The following FRMD5 variants were observed in gnomAD, a reference collection of about 807,000 sequenced individuals.
FRMD5 encodes the protein FERM domain containing 5.
A neutral mutation model predicts 69.0 loss-of-function variants in FRMD5; 20 were observed. The observed-to-expected ratio is 0.29, with a 90% confidence interval of 0.20 to 0.42. The LOEUF is 0.42. FRMD5 is among the 10% of genes least tolerant of loss of function. The pLI is 1.00. For missense variants in FRMD5, 595 were observed against 708.6 expected, an observed-to-expected ratio of 0.84 and a Z score of 1.82; for synonymous variants, 271 against 260.1, an observed-to-expected ratio of 1.04 and a Z score of -0.40.
In FRMD5 at chr15:43,999,953, C is replaced by CATAT. The variant is rs34872140; in HGVS notation, c.103-75648_103-75645dup. 7.5e-3 allele frequency among the ~76,000 whole-genome samples: 625 copies of CATAT among 82,816 alleles called. 5 individuals are homozygous for CATAT. Among genetic ancestry groups the CATAT allele is most frequent in the Middle Eastern group, 0.018 (2 of 110 alleles). The allele number at this position is 82,816 out of a possible 152,430, so 54.3% of individuals were successfully genotyped here. A position where few individuals can be genotyped will look rare whatever the true frequency, so the allele number is the denominator to read the frequency against. On this transcript the variant is annotated intron_variant, in intron 1 of 13. Coordinates refer to ENST00000417257, the MANE Select transcript of FRMD5 (RefSeq NM_032892.5). ...TATATATATATATATATATGCCATG[C>CATAT]ATATATATATATATATATATATATA...
At chr15:43,876,283 GT>G in intron 13 of FRMD5, 2 of 1,300,692 alleles carry the variant, frequency 1.5e-6, no homozygotes, top group Non-Finnish European at 1.1e-6. Flanking sequence ...TCTGGGCCTG[GT>G]TTTTACCCCA....
Position 43,929,882 on chromosome 15 carries a change from G to A in FRMD5, c.103-5573C>T, listed in dbSNP as rs866283343. 5.3e-5 allele frequency among the ~76,000 whole-genome samples: 8 copies of A among 152,188 alleles called. No individual in the cohort carries two copies. In the South Asian group the frequency reaches 1.7e-3, roughly 31 times the overall value. ...GGTGTGAGGGCATGAGTGGCATGCC[G>A]ATGTCTGCCAGGTTCCAGAGCAGAT... On this transcript the variant is annotated intron_variant, in intron 1 of 13. Coordinates refer to ENST00000417257, the MANE Select transcript of FRMD5 (RefSeq NM_032892.5).
chr15:43,899,993 G>A (rs942242111), intron 7 of FRMD5, among the ~76,000 whole-genome samples: 26 of 152,176 alleles, frequency 1.7e-4, no homozygotes, highest in Non-Finnish European at 2.5e-4. Context: ...TCAGGGACCC[G>A]TCTCTGAAGA....
chr15:44,014,058 G>A (rs559796596), intron 1 of FRMD5, among the ~76,000 whole-genome samples: 11 of 151,990 alleles, frequency 7.2e-5, no homozygotes, highest in African/African-American at 1.7e-4. Flanking sequence ...GGGTTTCACC[G>A]TGTGTTAGCC....
At chr15:44,188,679 T>C (rs2078142894) in intron 1 of FRMD5, among the ~76,000 whole-genome samples, 1 of 152,180 alleles carries the variant, frequency 6.6e-6, no homozygotes, top group South Asian at 2.1e-4. Context: ...TTTTCCATGC[T>C]TTGAGAGGCC....
chr15:43,903,603 T>A lies in FRMD5; in HGVS notation c.552-1341A>T, dbSNP rs115976658. ...ATTGCTGTGAATAAAGACTTCTGCA[T>A]CCACTAGTGTACCTGAGGCACAGGG... is the stretch of plus-strand genomic sequence containing the variant. On this transcript the variant is annotated intron_variant, in intron 6 of 13. Coordinates refer to ENST00000417257, the MANE Select transcript of FRMD5 (RefSeq NM_032892.5). 2.1e-3 allele frequency among the ~76,000 whole-genome samples: 319 copies of A among 152,316 alleles called. 2 individuals carry two copies. Among genetic ancestry groups the A allele is most frequent in the African/African-American group, 7.2e-3 (300 of 41,552 alleles).
intron 6 of FRMD5, 49 bp from the exon 7 acceptor site, chr15:43,902,311 T>C (rs2089066041): frequency 6.9e-7 from 1 of 1,449,048 alleles, no homozygotes; most frequent in African/African-American, 1.4e-5. Flanking sequence ...TTCCCACAGG[T>C]TCCCCTGAGG....
intron 1 of FRMD5, among the ~76,000 whole-genome samples, chr15:44,071,600 G>T (rs956222398): frequency 1.3e-5 from 2 of 152,074 alleles, no homozygotes; most frequent in Non-Finnish European, 2.9e-5. Flanking sequence ...TAAACTTGGG[G>T]TCTCTTCCCA....
intron 1 of FRMD5, among the ~76,000 whole-genome samples, chr15:43,976,421 A>C (rs1206491469): frequency 6.6e-6 from 1 of 152,220 alleles, no homozygotes; most frequent in Non-Finnish European, 1.5e-5. Flanking sequence ...GAATAAAAAG[A>C]ACCCTCAACA....
rs557600446 is a variant in FRMD5 at position 44,003,019 on chromosome 15, T to C, written c.103-78710A>G. On this transcript the variant is annotated intron_variant, in intron 1 of 13. Coordinates refer to ENST00000417257, the MANE Select transcript of FRMD5 (RefSeq NM_032892.5). ...GTCATACCACAGCAGAAGACTGAAC[T>C]CTTGATCTTTTGTTCCAAATGGGGT... 3.2e-3 allele frequency among the ~76,000 whole-genome samples: 481 copies of C among 152,250 alleles called. 3 individuals are homozygous for C. The highest frequency in any genetic ancestry group is 0.011 in the African/African-American group (457 of 41,548).
intron 1 of FRMD5, among the ~76,000 whole-genome samples, chr15:44,001,611 GTTT>G (rs35453119): frequency 2.9e-5 from 4 of 138,096 alleles, no homozygotes; most frequent in Non-Finnish European, 3.2e-5. Flanking sequence ...CAATTTTATT[GTTT>G]TTTTTTTTTT....
chr15:43,890,353 GTGTC>G (rs1165229884), intron 8 of FRMD5, among the ~76,000 whole-genome samples: 3 of 152,310 alleles, frequency 2.0e-5, no homozygotes, highest in South Asian at 2.1e-4. Flanking sequence ...GGAAAGAAAA[GTGTC>G]TGTGAGAACC....
chr15:43,916,970 G>A (rs1158350577), intron 4 of FRMD5, among the ~76,000 whole-genome samples: 4 of 151,976 alleles, frequency 2.6e-5, no homozygotes, highest in Non-Finnish European at 5.9e-5. Context: ...AGTAGAGACG[G>A]GGTTTCACCA....
intron 1 of FRMD5, among the ~76,000 whole-genome samples, chr15:44,011,975 T>C (rs1021948662): frequency 6.6e-6 from 1 of 152,192 alleles, no homozygotes; most frequent in Non-Finnish European, 1.5e-5. Context: ...AGGGAACAAA[T>C]GGGCTATTCA....
intron 1 of FRMD5, among the ~76,000 whole-genome samples, chr15:44,102,614 G>C (rs1373172219): frequency 1.3e-5 from 2 of 152,172 alleles, no homozygotes; most frequent in South Asian, 4.1e-4. Flanking sequence ...GAAGATGGGA[G>C]GCTTTTCAGG....
chr15:44,181,836 G>A (rs1223094834), intron 1 of FRMD5, among the ~76,000 whole-genome samples: 1 of 152,086 alleles, frequency 6.6e-6, no homozygotes, highest in African/African-American at 2.4e-5. Flanking sequence ...CCAGGAGTTC[G>A]AGGGTAAAGT....
In FRMD5 at chr15:44,113,844, G is replaced by A. The variant is rs188399193; in HGVS notation, c.102+81109C>T. On this transcript the variant is annotated intron_variant, in intron 1 of 13. Transcript: ENST00000417257. ...ACACACTCGCAGATAACTGACACAG[G>A]GTCTGAACTGGATAAAACAACATGA... Among the ~76,000 whole-genome samples, 8 of 152,048 alleles carry A rather than the reference G, an allele frequency of 5.3e-5. No individual in the cohort carries two copies. In the East Asian group the frequency reaches 9.6e-4, roughly 18 times the overall value.
At chr15:43,971,538 G>T (rs1397857085) in intron 1 of FRMD5, among the ~76,000 whole-genome samples, 1 of 148,370 alleles carries the variant, frequency 6.7e-6, no homozygotes, top group Non-Finnish European at 1.5e-5. Context: ...ACAAAAGTTA[G>T]CCAGGCATGG....
rs546893077 is a variant in FRMD5, at chr15:44,176,723, G to A, written c.102+18230C>T. On this transcript the variant is annotated intron_variant, in intron 1 of 13. Coordinates refer to ENST00000417257, the MANE Select transcript of FRMD5 (RefSeq NM_032892.5). ...CCAATTTTTAAATGGCCAAAGACTT[G>A]AATAGACATTTCTCCCAAAAAGATA... is the stretch of plus-strand genomic sequence containing the variant. 5.6e-4 allele frequency among the ~76,000 whole-genome samples: 85 copies of A among 152,064 alleles called. 1 individual carries two copies. Among genetic ancestry groups the A allele is most frequent in the Middle Eastern group, 3.4e-3 (1 of 294 alleles).
Sources: allele counts gnomAD v4.1 joint callset (sites outside exome capture counted in the v4.1 genomes callset), GRCh38; gene constraint gnomAD v4.1.1; transcripts MANE v1.5; gene names NCBI Gene and HGNC (gene_info 2026-07-23, HGNC 2026-07-21).